Variants in BABAM2 observed in about 807,000 individuals in gnomAD.
BABAM2 encodes BRISC and BRCA1 A complex member 2.
Under a neutral mutation model 54.7 loss-of-function variants are expected in BABAM2, and 31 were observed. That is an observed-to-expected ratio of 0.57 (90% CI 0.43 to 0.77). The LOEUF is 0.77. Ranked by LOEUF, BABAM2 falls within the 30% of genes least tolerant of loss-of-function variation. BABAM2 has a pLI of 0.00. For missense variants in BABAM2, 364 were observed against 455.8 expected (o/e 0.80, Z 1.83); for synonymous variants, 167 against 162.9 (o/e 1.03, Z -0.19).
intron 7 of BABAM2, among the ~76,000 whole-genome samples, chr2:28,169,457 T>G (rs1158162766): frequency 6.6e-6 from 1 of 152,136 alleles, no homozygotes; most frequent in Non-Finnish European, 1.5e-5. Flanking sequence ...ATTTTTATGT[T>G]CTTTGTGACC....
chr2:27,958,555 C>T (rs924792316), intron 3 of BABAM2, among the ~76,000 whole-genome samples: 3 of 149,354 alleles, frequency 2.0e-5, no homozygotes, highest in Non-Finnish European at 4.4e-5. Flanking sequence ...TTTATATATA[C>T]ACACACATAT....
At chr2:28,102,740 G>C (rs371965479) in intron 6 of BABAM2, among the ~76,000 whole-genome samples, 1 of 152,128 alleles carries the variant, frequency 6.6e-6, no homozygotes, top group African/African-American at 2.4e-5. Flanking sequence ...TACAATGTGC[G>C]AACAGACAAA....
intron 2 of BABAM2, among the ~76,000 whole-genome samples, chr2:27,926,590 T>G (rs1477758996): frequency 6.6e-6 from 1 of 152,218 alleles, no homozygotes; most frequent in Non-Finnish European, 1.5e-5. Context: ...TCATAGCATT[T>G]AGCAATCCTA....
intron 2 of BABAM2, among the ~76,000 whole-genome samples, chr2:27,900,860 G>A (rs973796374): frequency 2.6e-4 from 39 of 151,940 alleles, no homozygotes; most frequent in Admixed American, 4.6e-4. Flanking sequence ...TGGCTAACAC[G>A]GTGAAACCCC....
chr2:28,208,849 A>G (rs962383487), intron 7 of BABAM2, among the ~76,000 whole-genome samples: 2 of 152,132 alleles, frequency 1.3e-5, no homozygotes, highest in Admixed American at 1.3e-4. Context: ...AACCTATGAC[A>G]TGTATCTAAA....
At chr2:28,240,851 C>T (rs894772859) in intron 8 of BABAM2, among the ~76,000 whole-genome samples, 3 of 127,276 alleles carry the variant, frequency 2.4e-5, no homozygotes, top group Admixed American at 9.1e-5. Flanking sequence ...GCCTGGGCAA[C>T]AAGAGCGAGA....
intron 7 of BABAM2, among the ~76,000 whole-genome samples, chr2:28,226,575 T>C (rs1346756805): frequency 2.0e-5 from 3 of 152,136 alleles, no homozygotes; most frequent in Non-Finnish European, 4.4e-5. Flanking sequence ...TAGAATGTCT[T>C]ATGCCACGGA....
intron 2 of BABAM2, among the ~76,000 whole-genome samples, chr2:27,924,253 C>A (rs545596896): frequency 6.6e-6 from 1 of 152,086 alleles, no homozygotes; most frequent in Non-Finnish European, 1.5e-5. Context: ...GGGTAATACT[C>A]CCCAAAAGCA....
Position 28,325,742 on chromosome 2 carries a change from G to C in BABAM2, c.1089-12708G>C, listed in dbSNP as rs553577822. 2.6e-5 allele frequency among the ~76,000 whole-genome samples: 4 copies of C among 152,170 alleles called. No individual in the cohort carries two copies. Among genetic ancestry groups the C allele is most frequent in the Admixed American group, 2.6e-4 (4 of 15,286 alleles). On this transcript the variant is annotated intron_variant, in intron 11 of 11. Coordinates refer to ENST00000379624, the MANE Select transcript of BABAM2 (RefSeq NM_199191.3). The surrounding 1 kb of genome is among the most constrained non-coding windows in gnomAD (Gnocchi z 4.3). ...CATCCTCAAACACCCAGCCAGGGGG[G>C]TGAATGTCCCAGAGTGTTGGGTGAC...
intron 2 of BABAM2, among the ~76,000 whole-genome samples, chr2:27,914,868 A>G (rs1442785772): frequency 6.6e-6 from 1 of 152,146 alleles, no homozygotes; most frequent in Admixed American, 6.6e-5. Context: ...AAATGGTGAT[A>G]TAAAAATTTC....
intron 7 of BABAM2, among the ~76,000 whole-genome samples, chr2:28,195,121 G>A (rs1677382122): frequency 2.0e-5 from 3 of 152,104 alleles, no homozygotes; most frequent in South Asian, 4.1e-4. Flanking sequence ...TTTTTTCACA[G>A]TAAGATAATT....
chr2:28,113,515 A>G (rs559054554), intron 6 of BABAM2, among the ~76,000 whole-genome samples: 2 of 152,082 alleles, frequency 1.3e-5, no homozygotes, highest in Admixed American at 1.3e-4. Context: ...CTGTATATCT[A>G]TTTTGGTACC....
At chr2:27,954,829 A>G (rs1669974132) in intron 3 of BABAM2, among the ~76,000 whole-genome samples, 1 of 152,216 alleles carries the variant, frequency 6.6e-6, no homozygotes, top group African/African-American at 2.4e-5. Flanking sequence ...ATGACTCACT[A>G]TTTGGTGAAC....
At position 27,995,372 on chromosome 2, in the gene BABAM2, A is replaced by G. The variant is rs1024539921; in HGVS notation, c.300+7285A>G. Among the ~76,000 whole-genome samples, 1 of 152,176 alleles carries G rather than the reference A, an allele frequency of 6.6e-6. No homozygotes were observed. Among genetic ancestry groups the G allele is most frequent in the Non-Finnish European group, 1.5e-5 (1 of 68,026 alleles). On this transcript the variant is annotated intron_variant, in intron 4 of 11. Coordinates refer to ENST00000379624, the MANE Select transcript of BABAM2 (RefSeq NM_199191.3). The surrounding 1 kb of genome is among the most constrained non-coding windows in gnomAD (Gnocchi z 4.1). ...CTGCTGTGCCTTGCACTGTTCCTCC[A>G]TCACTCTCTGTTGACAAGCTGAACA...
intron 10 of BABAM2, among the ~76,000 whole-genome samples, chr2:28,291,371 T>A (rs1687269425): frequency 6.6e-6 from 1 of 152,160 alleles, no homozygotes; most frequent in Non-Finnish European, 1.5e-5. Flanking sequence ...GGTGGATGGA[T>A]CACCTGAGGT....
chr2:28,163,539 A>G (rs958472364), intron 7 of BABAM2, among the ~76,000 whole-genome samples: 4 of 152,336 alleles, frequency 2.6e-5, no homozygotes, highest in African/African-American at 7.2e-5. Flanking sequence ...CCTGCCAGAT[A>G]TCTAATAGAA....
chr2:27,919,518 C>T (rs563733613), intron 2 of BABAM2, among the ~76,000 whole-genome samples: 1 of 152,062 alleles, frequency 6.6e-6, no homozygotes, highest in Non-Finnish European at 1.5e-5. Flanking sequence ...AAGGAAGTTC[C>T]CTTTTATCCC....
In BABAM2 at chr2:27,955,432, C is replaced by A. The variant is rs1265585976; in HGVS notation, c.205+25524C>A. On this transcript the variant is annotated intron_variant, in intron 3 of 11. Coordinates refer to ENST00000379624, the MANE Select transcript of BABAM2 (RefSeq NM_199191.3). ...TCTTCCTTTAAAGAACAAAAAACTT[C>A]AAACTTTGGCAAATTCTAAAGTTAC... 3.9e-5 allele frequency among the ~76,000 whole-genome samples: 6 copies of A among 152,198 alleles called. No homozygotes were observed. In the East Asian group the frequency reaches 1.2e-3, roughly 29 times the overall value.
chr2:28,118,095 A>C (rs920274235), intron 6 of BABAM2, among the ~76,000 whole-genome samples: 3 of 152,262 alleles, frequency 2.0e-5, no homozygotes, highest in Admixed American at 2.0e-4. Context: ...AATGCATAAC[A>C]TCACAACTCA....
Sources: allele counts gnomAD v4.1 joint callset (sites outside exome capture counted in the v4.1 genomes callset), GRCh38; gene constraint gnomAD v4.1.1; non-coding constraint Gnocchi (gnomAD v3.1); transcripts MANE v1.5; gene names NCBI Gene and HGNC (gene_info 2026-07-23, HGNC 2026-07-21).